Variants in ZNF704 observed in about 807,000 individuals in gnomAD.
ZNF704 encodes the protein zinc finger protein 704.
A neutral mutation model predicts 44.7 loss-of-function variants in ZNF704; 10 were observed. The observed-to-expected ratio is 0.22, with a 90% CI of 0.14 to 0.38. The LOEUF (loss-of-function observed/expected upper bound fraction) is 0.38. Ranked by LOEUF, ZNF704 falls within the 10% of genes least tolerant of loss-of-function variation. ZNF704 has a pLI of 1.00. For missense variants in ZNF704, 390 were observed against 545.5 expected, an observed-to-expected ratio of 0.71 and a Z score of 2.84; for synonymous variants, 211 against 207.6, an observed-to-expected ratio of 1.02 and a Z score of -0.14.
chr8:80,716,720 G>T (rs1416668464), intron 2 of ZNF704, among the ~76,000 whole-genome samples: 2 of 152,166 alleles, frequency 1.3e-5, no homozygotes, highest in Non-Finnish European at 2.9e-5. Flanking sequence ...TTTGGCACTG[G>T]TCTCTGTTCT....
chr8:80,803,681 A>C (rs548206283), intron 2 of ZNF704, among the ~76,000 whole-genome samples: 4 of 152,352 alleles, frequency 2.6e-5, no homozygotes, highest in Middle Eastern at 3.4e-3. Flanking sequence ...ACAAAAATTA[A>C]TTCAAGATGG....
chr8:80,744,644 A>G (rs1806815181), intron 2 of ZNF704, among the ~76,000 whole-genome samples: 1 of 152,188 alleles, frequency 6.6e-6, no homozygotes, highest in Non-Finnish European at 1.5e-5. Flanking sequence ...TCACAAGGGC[A>G]CTCAACTGGC....
chr8:80,813,519 C>A (rs936226320), intron 2 of ZNF704, among the ~76,000 whole-genome samples: 1 of 152,130 alleles, frequency 6.6e-6, no homozygotes, highest in Admixed American at 6.6e-5. Context: ...CACACACATA[C>A]ATACACACAC....
intron 8 of ZNF704, among the ~76,000 whole-genome samples, chr8:80,642,487 A>G (rs1438078344): frequency 1.3e-5 from 2 of 152,232 alleles, no homozygotes; most frequent in African/African-American, 4.8e-5. Context: ...GATAACATAC[A>G]TCGCAGGCAG....
At chr8:80,686,953 T>A (rs1014107414) in intron 4 of ZNF704, among the ~76,000 whole-genome samples, 1 of 152,192 alleles carries the variant, frequency 6.6e-6, no homozygotes, top group African/African-American at 2.4e-5. Flanking sequence ...AACTTACAAA[T>A]ACTGGTAAGT....
intron 2 of ZNF704, among the ~76,000 whole-genome samples, chr8:80,762,532 G>A (rs537031306): frequency 1.3e-5 from 2 of 152,204 alleles, no homozygotes; most frequent in African/African-American, 4.8e-5. Flanking sequence ...GGGGGAAACT[G>A]GTCCCATTAT....
At chr8:80,752,741 A>G (rs924075829) in intron 2 of ZNF704, among the ~76,000 whole-genome samples, 8 of 152,196 alleles carry the variant, frequency 5.3e-5, no homozygotes, top group African/African-American at 1.9e-4. Context: ...GGGTTTCTCC[A>G]TGTTGGTCAG....
At position 80,628,541 on chromosome 8, in the gene ZNF704, T is replaced by G. The variant is rs1817538402; in HGVS notation, c.*12825A>C. The G allele has an allele frequency of 6.6e-6, 1 of 152,254 alleles. No homozygotes were observed. The highest frequency in any genetic ancestry group is 1.5e-5 in the Non-Finnish European group (1 of 68,048). 9.4% of individuals were successfully genotyped at this position (152,254 alleles called of 1,614,324 possible). On this transcript the variant is annotated 3_prime_UTR_variant, in exon 9 of 9. Coordinates refer to ENST00000327835, the MANE Select transcript of ZNF704 (RefSeq NM_001033723.3). ...TTACAAGTGCATTTAAATTCATGTG[T>G]GTGGACACTGTAGAAGTCAAAATGG... is the stretch of plus-strand genomic sequence containing the variant.
rs948719847 is a variant in ZNF704 at position 80,638,296 on chromosome 8, A to C, written c.*3070T>G. Reference sequence around the variant, plus strand: ...CCTTTTCTGAAGGCTGGGGTGTCAAAGGATAAAAAAAAAATCAAAAGGCTA... The same window carrying C: ...CCTTTTCTGAAGGCTGGGGTGTCAACGGATAAAAAAAAAATCAAAAGGCTA... On this transcript the variant is annotated 3_prime_UTR_variant, in exon 9 of 9. Transcript: ENST00000327835. The C allele has an allele frequency of 5.3e-5, 8 of 152,204 alleles. No homozygotes were observed. The highest frequency in any genetic ancestry group is 2.9e-5 in the Non-Finnish European group (2 of 68,046). The allele number at this position is 152,204 out of a possible 1,614,324, so 9.4% of individuals were successfully genotyped here.
chr8:80,815,568 A>G (rs779964842), intron 2 of ZNF704, among the ~76,000 whole-genome samples: 7 of 152,258 alleles, frequency 4.6e-5, no homozygotes, highest in Non-Finnish European at 8.8e-5. Flanking sequence ...ACTTATCAAT[A>G]TATTTTGAGC....
At chr8:80,708,000 A>G (rs1473361715) in intron 2 of ZNF704, among the ~76,000 whole-genome samples, 4 of 152,164 alleles carry the variant, frequency 2.6e-5, no homozygotes, top group Non-Finnish European at 5.9e-5. Context: ...TACACACATA[A>G]CATTACTGGC....
intron 2 of ZNF704, among the ~76,000 whole-genome samples, chr8:80,758,328 G>A (rs1417226911): frequency 1.3e-5 from 2 of 152,116 alleles, no homozygotes; most frequent in Admixed American, 6.5e-5. Context: ...CTTCACTTAA[G>A]AGACTGATGA....
chr8:80,744,088 C>A (rs1806806793), intron 2 of ZNF704, among the ~76,000 whole-genome samples: 1 of 152,006 alleles, frequency 6.6e-6, no homozygotes, highest in African/African-American at 2.4e-5. Context: ...AAATAAACAC[C>A]AGATTTCTAA....
chr8:80,866,787 G>C (rs937279709), intron 1 of ZNF704, among the ~76,000 whole-genome samples: 1 of 152,118 alleles, frequency 6.6e-6, no homozygotes, highest in Non-Finnish European at 1.5e-5. Context: ...ACTCACATAG[G>C]GCTGTGGCTC....
At chr8:80,660,879 G>A (rs1047373183) in intron 6 of ZNF704, among the ~76,000 whole-genome samples, 3 of 152,094 alleles carry the variant, frequency 2.0e-5, no homozygotes, top group African/African-American at 7.2e-5. Flanking sequence ...ATGGGCCCAG[G>A]CAAATATTTT....
Position 80,830,159 on chromosome 8 carries a change from C to T in ZNF704, c.-21-8544G>A, listed in dbSNP as rs185109440. The stretch of plus-strand genomic sequence containing the variant: ...ACGTCGAGTCTTAAGAAGCTGGGCT[C>T]GGAAATGGCCCAGAGAAATAGGGTG... On this transcript the variant is annotated intron_variant, in intron 1 of 8. Transcript: ENST00000327835. Among the ~76,000 whole-genome samples the T allele has an allele frequency of 3.0e-4, 46 of 151,964 alleles. No individual in the cohort carries two copies. In the East Asian group the frequency reaches 7.9e-3, roughly 26 times the overall value.
In ZNF704 at chr8:80,639,896, A is replaced by G. The variant is rs1274051276; in HGVS notation, c.*1470T>C. The G allele has an allele frequency of 6.6e-6, 1 of 152,564 alleles. No individual in the cohort carries two copies. Among genetic ancestry groups the G allele is most frequent in the East Asian group, 1.9e-4 (1 of 5,192 alleles). The allele number at this position is 152,564 out of a possible 1,614,324, so 9.5% of individuals were successfully genotyped here. A position where few individuals can be genotyped will look rare whatever the true frequency, so the allele number is the denominator to read the frequency against. On this transcript the variant is annotated 3_prime_UTR_variant, in exon 9 of 9. Coordinates refer to ENST00000327835, the MANE Select transcript of ZNF704 (RefSeq NM_001033723.3). ...CTATAAGGTGCTCTTCCTACTTTGC[A>G]TAGGTATAGGAGAAATAACTCTTTA... is the stretch of plus-strand genomic sequence containing the variant.
At chr8:80,679,072 T>C (rs533841533) in intron 4 of ZNF704, among the ~76,000 whole-genome samples, 70 of 152,270 alleles carry the variant, frequency 4.6e-4, no homozygotes, top group African/African-American at 1.5e-3. Flanking sequence ...TTCTGGATTG[T>C]AGAAATTCCT....
Position 80,832,214 on chromosome 8 carries a change from AT to A in ZNF704, c.-21-10600del, listed in dbSNP as rs932615288. ...ATATGATATACTTGGGGAAATTGCC[AT>A]TTTTTTTTTAACAAGAAGTTAACAG... On this transcript the variant is annotated intron_variant, in intron 1 of 8. Transcript: ENST00000327835. Among the ~76,000 whole-genome samples, 255 of 149,728 alleles carry A rather than the reference AT, an allele frequency of 1.7e-3. 1 individual carries two copies. Among genetic ancestry groups the A allele is most frequent in the African/African-American group, 4.5e-3 (186 of 40,940 alleles).
Sources: allele counts gnomAD v4.1 joint callset (sites outside exome capture counted in the v4.1 genomes callset), GRCh38; gene constraint gnomAD v4.1.1; transcripts MANE v1.5; gene names NCBI Gene and HGNC (gene_info 2026-07-23, HGNC 2026-07-21).